The following TESK2 variants were observed in gnomAD, a reference collection of about 807,000 sequenced individuals.
The protein encoded by TESK2 is testis associated actin remodelling kinase 2.
A neutral mutation model predicts 57.1 loss-of-function variants in TESK2; 39 were observed. The ratio of observed to expected loss-of-function variants is 0.68; its 90% CI spans 0.53 to 0.89. TESK2 has a LOEUF of 0.89. TESK2 is among the 40% of genes least tolerant of loss of function. The probability of loss-of-function intolerance (pLI) is 0.00; values close to 1 mark genes in which losing one functional copy is unlikely to be tolerated. For synonymous variants in TESK2, 249 were observed against 267.9 expected (o/e 0.93, Z 0.69); for missense variants, 646 against 732.1 (o/e 0.88, Z 1.36).
intron 2 of TESK2, among the ~76,000 whole-genome samples, chr1:45,454,932 A>T (rs1652013652): frequency 6.6e-6 from 1 of 152,204 alleles, no homozygotes; most frequent in Non-Finnish European, 1.5e-5. Context: ...TATATAAGGT[A>T]CCTAGAATAA....
chr1:45,422,759 T>TTTGTTGTTGTTGTTGTTTG (rs1553152261), intron 2 of TESK2, among the ~76,000 whole-genome samples: 4 of 146,890 alleles, frequency 2.7e-5, no homozygotes, highest in Non-Finnish European at 4.5e-5. Context: ...TGTCTGGTTT[T>TTTGTTGTTGTTGTTGTTTG]TTGTTGTTGT....
intron 2 of TESK2, among the ~76,000 whole-genome samples, chr1:45,432,596 C>G: frequency 6.7e-6 from 1 of 149,852 alleles, no homozygotes; most frequent in Non-Finnish European, 1.5e-5. Context: ...GAGGCTGAGG[C>G]AGGAGAATGG....
intron 3 of TESK2, chr1:45,415,207 G>A: frequency 6.6e-7 from 1 of 1,504,322 alleles, no homozygotes; most frequent in South Asian, 1.1e-5. Context: ...GGGTTTATGT[G>A]TCCGGTTGGA....
At chr1:45,437,622 A>T (rs993251378) in intron 2 of TESK2, among the ~76,000 whole-genome samples, 2 of 152,124 alleles carry the variant, frequency 1.3e-5, no homozygotes, top group Non-Finnish European at 2.9e-5. Context: ...TCCTTGTTCC[A>T]GTTTTCAGAG....
intron 1 of TESK2, among the ~76,000 whole-genome samples, chr1:45,481,702 C>T (rs1265128738): frequency 6.6e-6 from 1 of 151,434 alleles, no homozygotes; most frequent in Admixed American, 6.6e-5. Flanking sequence ...AGAAACAAAA[C>T]ACCTAGCCTA....
rs202094471 is a variant in TESK2 at position 45,456,197 on chromosome 1, A to AAAAATAAAAT, written c.222+1357_222+1366dup. Among the ~76,000 whole-genome samples, 202 of 150,266 alleles carry AAAAATAAAAT rather than the reference A, an allele frequency of 1.3e-3. 1 individual carries two copies. The highest frequency in any genetic ancestry group is 2.4e-3 in the Non-Finnish European group (165 of 67,424). ...GGTGACAGAGCGAAACCCTGTCTCA[A>AAAAATAAAAT]AAAATAAAATAAAATAAAATAAAAT... is the stretch of plus-strand genomic sequence containing the variant. On this transcript the variant is annotated intron_variant, in intron 2 of 10. Transcript: ENST00000372086.
At chr1:45,384,599 T>TATTTA (rs1553147536) in intron 4 of TESK2, among the ~76,000 whole-genome samples, 1 of 62,012 alleles carries the variant, frequency 1.6e-5, no homozygotes, top group African/African-American at 6.9e-5. Flanking sequence ...ATTAATTTTT[T>TATTTA]TTTTTTTTTT....
intron 2 of TESK2, among the ~76,000 whole-genome samples, chr1:45,435,396 T>A (rs538894649): frequency 6.6e-6 from 1 of 151,746 alleles, no homozygotes; most frequent in African/African-American, 2.4e-5. Context: ...CCCAAAGTGC[T>A]GGGATTACAG....
chr1:45,491,091 G>A lies in TESK2; in HGVS notation c.-326C>T, dbSNP rs887072338. 1.3e-5 allele frequency: 2 copies of A among 152,242 alleles called. No homozygotes were observed. Among genetic ancestry groups the A allele is most frequent in the African/African-American group, 4.8e-5 (2 of 41,462 alleles). The allele number at this position is 152,242 out of a possible 1,614,324, so 9.4% of individuals were successfully genotyped here. ...CCGCTCCCCCCGCCTGTTTGGCGGG[G>A]CCAGGAGGACGATCCGACCAGCGAA... On this transcript the variant is annotated 5_prime_UTR_variant, in exon 1 of 11. Coordinates refer to ENST00000372086, the MANE Select transcript of TESK2 (RefSeq NM_007170.3).
At chr1:45,443,008 ACTC>A (rs1237049195) in intron 2 of TESK2, among the ~76,000 whole-genome samples, 7 of 151,892 alleles carry the variant, frequency 4.6e-5, no homozygotes, top group African/African-American at 1.7e-4. Flanking sequence ...CTGGTCTTGA[ACTC>A]CTGAGCGCAG....
At chr1:45,452,571 G>A (rs997713439) in intron 2 of TESK2, among the ~76,000 whole-genome samples, 11 of 152,050 alleles carry the variant, frequency 7.2e-5, no homozygotes, top group Non-Finnish European at 1.0e-4. Context: ...GATTGCTTGC[G>A]GCCAGGAGTT....
intron 2 of TESK2, among the ~76,000 whole-genome samples, chr1:45,431,073 C>A (rs1223812325): frequency 1.3e-5 from 2 of 152,202 alleles, no homozygotes; most frequent in Non-Finnish European, 2.9e-5. Context: ...AGAAACCCAA[C>A]CTGGCAATCT....
intron 4 of TESK2, among the ~76,000 whole-genome samples, chr1:45,379,253 C>T (rs556367552): frequency 6.6e-6 from 1 of 152,230 alleles, no homozygotes; most frequent in African/African-American, 2.4e-5. Flanking sequence ...GAAGCCTTGC[C>T]CTCCTGGGCT....
chr1:45,358,722 T>A (rs1451860200), intron 4 of TESK2, among the ~76,000 whole-genome samples: 2 of 152,052 alleles, frequency 1.3e-5, no homozygotes, highest in African/African-American at 2.4e-5. Context: ...GAAAATCCAA[T>A]CATCGTGCTA....
chr1:45,466,008 G>C (rs1652536327), intron 1 of TESK2, among the ~76,000 whole-genome samples: 1 of 152,074 alleles, frequency 6.6e-6, no homozygotes, highest in African/African-American at 2.4e-5. Flanking sequence ...CCACCCCACA[G>C]TATACCATTT....
At chr1:45,469,084 AT>A (rs1292178955) in intron 1 of TESK2, among the ~76,000 whole-genome samples, 1 of 152,152 alleles carries the variant, frequency 6.6e-6, no homozygotes, top group African/African-American at 2.4e-5. Flanking sequence ...TATTAATTTC[AT>A]TTATATAGGA....
chr1:45,476,446 G>A (rs984087946), intron 1 of TESK2, among the ~76,000 whole-genome samples: 4 of 151,018 alleles, frequency 2.6e-5, no homozygotes, highest in African/African-American at 7.3e-5. Context: ...AGCGGAGGTT[G>A]CAATGAGTCA....
chr1:45,445,141 C>A (rs1346001896), intron 2 of TESK2, among the ~76,000 whole-genome samples: 2 of 152,070 alleles, frequency 1.3e-5, no homozygotes, highest in Non-Finnish European at 2.9e-5. Context: ...GTGACACCCC[C>A]AACCACCACC....
intron 3 of TESK2, among the ~76,000 whole-genome samples, chr1:45,420,735 C>T (rs1650438042): frequency 6.6e-6 from 1 of 151,468 alleles, no homozygotes; most frequent in South Asian, 2.1e-4. Flanking sequence ...TAGGCACGTG[C>T]CACCACGCCC....
Sources: gnomAD v4.1 joint callset for allele counts (sites outside exome capture counted in the v4.1 genomes callset) on GRCh38, gnomAD v4.1.1 for gene constraint, MANE v1.5 for transcripts, NCBI Gene and HGNC (gene_info 2026-07-23, HGNC 2026-07-21) for gene names.